CTNNA3: variants seen among roughly 807,000 people sequenced by gnomAD.
CTNNA3 encodes the protein catenin alpha-3.
A neutral mutation model predicts 95.7 loss-of-function variants in CTNNA3; 76 were observed. That is an observed-to-expected ratio of 0.79 (90% CI 0.66 to 0.96). The LOEUF (loss-of-function observed/expected upper bound fraction) is 0.96. Among genes scored for constraint, CTNNA3 ranks in the 40% least tolerant of loss-of-function variants. CTNNA3 has a pLI of 0.00. For missense variants in CTNNA3, 1,191 were observed against 1,089.8 expected (o/e 1.09, Z -1.31); for synonymous variants, 431 against 374.4 (o/e 1.15, Z -1.74).
rs12252971 is a variant in CTNNA3, at chr10:67,124,373, T to G, written c.1047+55944A>C. On this transcript the variant is annotated intron_variant, in intron 7 of 17. Transcript: ENST00000433211. ...GTGTGTGTGTGTGTGTGTGTGTGTGTGGTCTATAAATGACTGTGGAAGGTT... is the reference window on the plus strand; with the variant it reads ...GTGTGTGTGTGTGTGTGTGTGTGTGGGGTCTATAAATGACTGTGGAAGGTT... Among the ~76,000 whole-genome samples, 36 of 143,600 alleles carry G rather than the reference T, an allele frequency of 2.5e-4. 1 individual carries two copies. Among genetic ancestry groups the G allele is most frequent in the African/African-American group, 9.1e-4 (35 of 38,606 alleles). The allele number at this position is 143,600 out of a possible 152,430, so 94.2% of individuals were successfully genotyped here. A position where few individuals can be genotyped will look rare whatever the true frequency, so the allele number is the denominator to read the frequency against.
intron 5 of CTNNA3, among the ~76,000 whole-genome samples, chr10:67,222,178 A>G (rs541457294): frequency 6.6e-6 from 1 of 152,280 alleles, no homozygotes; most frequent in South Asian, 2.1e-4. Context: ...ACTGTCTGCT[A>G]CTTCACTCAG....
At chr10:67,185,461 C>A (rs191308296) in intron 6 of CTNNA3, among the ~76,000 whole-genome samples, 179 of 152,032 alleles carry the variant, frequency 1.2e-3, no homozygotes, top group Non-Finnish European at 1.4e-3. Flanking sequence ...TATTGAGTCT[C>A]TCCATTTTTC....
chr10:66,052,943 A>G (rs2079993275), intron 15 of CTNNA3, among the ~76,000 whole-genome samples: 2 of 152,154 alleles, frequency 1.3e-5, no homozygotes, highest in South Asian at 2.1e-4. Flanking sequence ...TTGAAATTTA[A>G]AATTTCATTT....
chr10:67,316,377 T>C (rs1038658919), intron 5 of CTNNA3, among the ~76,000 whole-genome samples: 1 of 152,198 alleles, frequency 6.6e-6, no homozygotes, highest in African/African-American at 2.4e-5. Context: ...ATCACATCAT[T>C]TTATAACAAA....
intron 2 of CTNNA3, among the ~76,000 whole-genome samples, chr10:67,612,846 C>G (rs1490364415): frequency 6.6e-6 from 1 of 152,162 alleles, no homozygotes; most frequent in East Asian, 1.9e-4. Context: ...TCATTCTCTG[C>G]CCCATTCACC....
At position 66,949,403 on chromosome 10, in the gene CTNNA3, A is replaced by G. The variant is rs956080385; in HGVS notation, c.1048-173879T>C. 5.8e-4 allele frequency among the ~76,000 whole-genome samples: 88 copies of G among 152,250 alleles called. 1 individual carries two copies. Among genetic ancestry groups the G allele is most frequent in the African/African-American group, 2.0e-3 (82 of 41,570 alleles). On this transcript the variant is annotated intron_variant, in intron 7 of 17. Transcript: ENST00000433211. ...GAAACCCCGTCTCTACTAAAAAAATACAAAATTAGCCTGGCGTGTTGGCAT... is the reference window on the plus strand; with the variant it reads ...GAAACCCCGTCTCTACTAAAAAAATGCAAAATTAGCCTGGCGTGTTGGCAT...
intron 7 of CTNNA3, among the ~76,000 whole-genome samples, chr10:66,806,805 T>G (rs1841668092): frequency 6.6e-6 from 1 of 151,108 alleles, no homozygotes; most frequent in South Asian, 2.1e-4. Context: ...TGTATACATA[T>G]ATACACAATG....
chr10:67,053,345 A>T (rs764933903), intron 7 of CTNNA3, among the ~76,000 whole-genome samples: 19 of 152,176 alleles, frequency 1.2e-4, no homozygotes, highest in Non-Finnish European at 2.6e-4. Flanking sequence ...CATTGATCTG[A>T]GGTGAGATAG....
intron 1 of CTNNA3, among the ~76,000 whole-genome samples, chr10:67,684,917 C>A (rs1840700997): frequency 1.3e-5 from 2 of 152,186 alleles, no homozygotes; most frequent in East Asian, 3.8e-4. Flanking sequence ...ATTTCAGAAG[C>A]CTTTTCCTGT....
rs1356805198 is a variant in CTNNA3 at position 67,372,284 on chromosome 10, A to G, written c.579+149558T>C. Among the ~76,000 whole-genome samples the G allele has an allele frequency of 2.0e-5, 3 of 152,224 alleles. No individual in the cohort carries two copies. The East Asian group carries it at 5.8e-4, about 29-fold the overall frequency. On this transcript the variant is annotated intron_variant, in intron 5 of 17. Coordinates refer to ENST00000433211, the MANE Select transcript of CTNNA3 (RefSeq NM_013266.4). ...TTGTTGCCATTGCTTTTGGTGTTTT[A>G]GACATGAAGTCCTTGCCCATGCCTA...
intron 9 of CTNNA3, among the ~76,000 whole-genome samples, chr10:66,666,200 T>G (rs1000298232): frequency 6.6e-6 from 1 of 152,154 alleles, no homozygotes; most frequent in Admixed American, 6.6e-5. Context: ...CTGTCTACTT[T>G]GGAGTATGAG....
chr10:67,378,683 A>G (rs758871672), intron 5 of CTNNA3, among the ~76,000 whole-genome samples: 2 of 152,138 alleles, frequency 1.3e-5, no homozygotes, highest in Non-Finnish European at 1.5e-5. Context: ...GACTTATTTC[A>G]CTTAACAGTG....
intron 5 of CTNNA3, among the ~76,000 whole-genome samples, chr10:67,341,003 A>C (rs1235165862): frequency 6.6e-6 from 1 of 152,212 alleles, no homozygotes; most frequent in East Asian, 1.9e-4. Context: ...AGGATTTTAC[A>C]ATCTAGTTAT....
chr10:66,458,212 C>A (rs143678946), intron 11 of CTNNA3, among the ~76,000 whole-genome samples: 1 of 152,076 alleles, frequency 6.6e-6, no homozygotes, highest in Admixed American at 6.5e-5. Flanking sequence ...TGTAAACAAT[C>A]CAAATGTCTT....
At chr10:66,238,616 G>A (rs1360713139) in intron 13 of CTNNA3, among the ~76,000 whole-genome samples, 1 of 151,696 alleles carries the variant, frequency 6.6e-6, no homozygotes, top group Non-Finnish European at 1.5e-5. Flanking sequence ...TTAAATGGGA[G>A]TAAAAACAGA....
At chr10:66,229,546 C>A (rs1564789966) in intron 13 of CTNNA3, among the ~76,000 whole-genome samples, 1 of 152,052 alleles carries the variant, frequency 6.6e-6, no homozygotes, top group East Asian at 1.9e-4. Flanking sequence ...TTGAATATAT[C>A]ATCCTATTCT....
chr10:67,698,266 G>A (rs913962812), upstream of CTNNA3, among the ~76,000 whole-genome samples: 1 of 152,142 alleles, frequency 6.6e-6, no homozygotes, highest in Non-Finnish European at 1.5e-5. Flanking sequence ...AAAAAAGAGA[G>A]AGAATAAATC....
chr10:67,519,780 G>A (rs7474740), intron 5 of CTNNA3, among the ~76,000 whole-genome samples: 1 of 152,162 alleles, frequency 6.6e-6, no homozygotes, highest in Non-Finnish European at 1.5e-5. Flanking sequence ...ACCTTATAAA[G>A]AGGAAACTTT....
chr10:66,533,583 T>A (rs1026329355), intron 10 of CTNNA3, among the ~76,000 whole-genome samples: 19 of 152,140 alleles, frequency 1.2e-4, no homozygotes, highest in African/African-American at 4.3e-4. Context: ...AAAAAAGCAG[T>A]GATCTTAATG....
Sources: gnomAD v4.1 joint callset for allele counts (sites outside exome capture counted in the v4.1 genomes callset) on GRCh38, gnomAD v4.1.1 for gene constraint, MANE v1.5 for transcripts, NCBI Gene and HGNC (gene_info 2026-07-23, HGNC 2026-07-21) for gene names.